ZGRF1: variants seen among roughly 807,000 people sequenced by gnomAD.
ZGRF1 encodes the protein 5'-3' DNA helicase ZGRF1.
Under a neutral mutation model 203.5 loss-of-function variants are expected in ZGRF1, and 196 were observed. The observed-to-expected ratio is 0.96, with a 90% CI of 0.86 to 1.08. The LOEUF (loss-of-function observed/expected upper bound fraction) is 1.08. ZGRF1 is among the 50% of genes least tolerant of loss of function. The pLI is 0.00. For missense variants in ZGRF1, 2,326 were observed against 2,416.3 expected, an observed-to-expected ratio of 0.96 and a Z score of 0.78; for synonymous variants, 809 against 841.3, an observed-to-expected ratio of 0.96 and a Z score of 0.66.
At chr4:112,567,293 C>T (rs758268036) in intron 16 of ZGRF1, among the ~76,000 whole-genome samples, 35 of 151,620 alleles carry the variant, frequency 2.3e-4, no homozygotes, top group Admixed American at 2.6e-4. Flanking sequence ...AAGCTCATAA[C>T]GCCAGGGAAA....
At position 112,581,603 on chromosome 4, in the gene ZGRF1, C is replaced by T. The variant is rs989027073; in HGVS notation, c.4438+60G>A. 7.5e-6 allele frequency: 9 copies of T among 1,202,978 alleles called. No individual in the cohort carries two copies. In the Admixed American group the frequency reaches 1.2e-4, roughly 16 times the overall value. 74.5% of individuals were successfully genotyped at this position (1,202,978 alleles called of 1,614,324 possible). ...TCTTTAATATAAACAATTTATACAG[C>T]TGTATGTAATGGAGATAATAAGGCT... On this transcript the variant is annotated intron_variant, in intron 16 of 27. Transcript: ENST00000505019.
chr4:112,543,948 A>C (rs1738230386), intron 24 of ZGRF1, among the ~76,000 whole-genome samples: 1 of 152,168 alleles, frequency 6.6e-6, no homozygotes, highest in Admixed American at 6.5e-5. Context: ...TCAGTCTCCC[A>C]AAGTGCTGGG....
At chr4:112,545,418 G>A (rs922544132) in intron 24 of ZGRF1, among the ~76,000 whole-genome samples, 3 of 152,074 alleles carry the variant, frequency 2.0e-5, no homozygotes, top group Non-Finnish European at 4.4e-5. Flanking sequence ...AGTCTTTAGG[G>A]AAACCACAAT....
At position 112,587,872 on chromosome 4, in the gene ZGRF1, C is replaced by G. The variant is rs1449030133; in HGVS notation, c.3185G>C (p.Ser1062Thr). The change falls in exon 12 of 28, where the codon AGT (serine) becomes ACT (threonine). Residue 1062 changes from serine to threonine, a missense_variant. Physicochemically the swap from Ser to Thr is moderately conservative, Grantham distance 58. Coordinates refer to ENST00000505019, the MANE Select transcript of ZGRF1 (RefSeq NM_018392.5). The stretch of plus-strand genomic sequence containing the variant: ...AGTAATAAGTGGAACCTGGGTTCTA[C>G]TTAATAATGAAAGCCTTTGAAGGTT... Reference protein sequence around the residue: ...NENLQRLSLLSRTQVPLITLP... With the variant: ...NENLQRLSLLTRTQVPLITLP... 1 of 1,549,608 alleles carries G rather than the reference C, an allele frequency of 6.5e-7. No individual in the cohort carries two copies. The highest frequency in any genetic ancestry group is 8.7e-7 in the Non-Finnish European group (1 of 1,146,528).
intron 22 of ZGRF1, among the ~76,000 whole-genome samples, chr4:112,549,816 C>T (rs937604924): frequency 1.3e-4 from 19 of 151,890 alleles, no homozygotes; most frequent in Admixed American, 9.2e-4. Context: ...GTTTCAGGGA[C>T]GCCTTTCAGG....
intron 16 of ZGRF1, among the ~76,000 whole-genome samples, chr4:112,572,648 A>G (rs2148947978): frequency 6.6e-6 from 1 of 152,352 alleles, no homozygotes; most frequent in East Asian, 1.9e-4. Context: ...TTCACAATCT[A>G]TACATCTGAC....
intron 3 of ZGRF1, among the ~76,000 whole-genome samples, chr4:112,624,642 A>G (rs1334213797): frequency 1.3e-5 from 2 of 151,986 alleles, no homozygotes; most frequent in African/African-American, 4.8e-5. Flanking sequence ...AATGAATAAA[A>G]CTTGTTAAAT....
At chr4:112,552,315 C>T (rs1395217734) in intron 22 of ZGRF1, among the ~76,000 whole-genome samples, 5 of 151,612 alleles carry the variant, frequency 3.3e-5, no homozygotes, top group African/African-American at 4.8e-5. Context: ...GTGTCAGGTC[C>T]GAATGCCTGG....
At chr4:112,617,346 ATTCT>A in intron 6 of ZGRF1, 90 bp downstream of exon 6, 1 of 898,388 alleles carries the variant, frequency 1.1e-6, no homozygotes, top group African/African-American at 1.7e-5. Flanking sequence ...ACACTATGTA[ATTCT>A]TTAATGTATC....
At chr4:112,623,938 T>C in intron 3 of ZGRF1, 62 bp from the exon 4 acceptor site, 1 of 827,574 alleles carries the variant, frequency 1.2e-6, no homozygotes, top group East Asian at 2.6e-5. Flanking sequence ...CTTAAACTTC[T>C]TCAAGAGGAA....
chr4:112,575,303 A>G (rs896927188), intron 16 of ZGRF1, among the ~76,000 whole-genome samples: 3 of 152,208 alleles, frequency 2.0e-5, no homozygotes, highest in Non-Finnish European at 4.4e-5. Context: ...GGGAAGAGCC[A>G]AGATGGCCAA....
intron 16 of ZGRF1, chr4:112,565,489 AT>A (rs1484974837): frequency 4.5e-5 from 29 of 648,606 alleles, no homozygotes; most frequent in Non-Finnish European, 6.6e-5. Context: ...AACGTTAGGT[AT>A]TTTTTTTCCA....
intron 11 of ZGRF1, 78 bp from the exon 12 acceptor site, chr4:112,588,007 C>A: frequency 4.0e-6 from 4 of 1,008,188 alleles, no homozygotes; most frequent in East Asian, 2.8e-5. Flanking sequence ...AGTGGGTATA[C>A]AAAAGCAAAA....
chr4:112,614,295 T>C (rs1277260884), intron 6 of ZGRF1, among the ~76,000 whole-genome samples: 1 of 152,234 alleles, frequency 6.6e-6, no homozygotes, highest in Non-Finnish European at 1.5e-5. Context: ...TCATTACTCA[T>C]GGATTCTGCC....
At position 112,619,063 on chromosome 4, in the gene ZGRF1, A is replaced by C; in HGVS notation, c.979T>G (p.Trp327Gly). ...SENTMRNKSR[W>G]AMYLSSQSSP... ...CTCTGTGAGGATAAATACATGGCCCACCGGCTTTTATTTCTCATGGTATTT... is the reference window on the plus strand; with the variant it reads ...CTCTGTGAGGATAAATACATGGCCCCCCGGCTTTTATTTCTCATGGTATTT... Residue 327 changes from tryptophan (W) to glycine (G), a missense_variant, in exon 6 of 28, where the codon TGG becomes GGG. Transcript: ENST00000505019. The C allele has an allele frequency of 5.6e-6, 9 of 1,614,010 alleles. No individual in the cohort carries two copies. The highest frequency in any genetic ancestry group is 7.6e-6 in the Non-Finnish European group (9 of 1,179,962).
At chr4:112,592,096 C>CTT (rs961223953) in intron 10 of ZGRF1, among the ~76,000 whole-genome samples, 58 of 128,560 alleles carry the variant, frequency 4.5e-4, no homozygotes, top group Admixed American at 5.6e-4. Context: ...CTCATTCATT[C>CTT]TTTTTTTTTT....
At chr4:112,613,942 T>C (rs2046779897) in intron 6 of ZGRF1, among the ~76,000 whole-genome samples, 1 of 152,200 alleles carries the variant, frequency 6.6e-6, no homozygotes, top group Non-Finnish European at 1.5e-5. Context: ...CCTGCTAAAA[T>C]TCAGAATAAA....
intron 24 of ZGRF1, among the ~76,000 whole-genome samples, chr4:112,543,488 A>G (rs867232214): frequency 3.3e-5 from 5 of 152,200 alleles, no homozygotes; most frequent in Admixed American, 2.6e-4. Flanking sequence ...CTACTCTGCG[A>G]CTAAATCACT....
Position 112,609,425 on chromosome 4 carries a change from A to G in ZGRF1, c.2672T>C (p.Leu891Pro). 2 of 1,526,864 alleles carry G rather than the reference A, an allele frequency of 1.3e-6. No homozygotes were observed. The highest frequency in any genetic ancestry group is 1.8e-6 in the Non-Finnish European group (2 of 1,109,304). The allele number at this position is 1,526,864 out of a possible 1,614,324, so 94.6% of individuals were successfully genotyped here. A position where few individuals can be genotyped will look rare whatever the true frequency, so the allele number is the denominator to read the frequency against. The change falls in exon 8 of 28, where the codon CTA (leucine) becomes CCA (proline). Residue 891 changes from leucine to proline, a missense_variant. Transcript: ENST00000505019. ...ACTTAGTTCAACTTCATCTTCTTTT[A>G]GTATCTTAGGAATAGAATATTAATT... ...PHLHKDSQQILKEDEVELSEP... is the reference protein window; with the variant it reads ...PHLHKDSQQIPKEDEVELSEP...
Sources: gnomAD v4.1 joint callset for allele counts (sites outside exome capture counted in the v4.1 genomes callset) on GRCh38, gnomAD v4.1.1 for gene constraint, MANE v1.5 for transcripts, NCBI Gene and HGNC (gene_info 2026-07-23, HGNC 2026-07-21) for gene names.